The following UPB1 variants were observed in gnomAD, a reference collection of about 807,000 sequenced individuals.
UPB1 encodes beta-ureidopropionase 1.
A neutral mutation model predicts 49.1 loss-of-function variants in UPB1; 40 were observed. The ratio of observed to expected loss-of-function variants is 0.81; its 90% CI spans 0.63 to 1.06. UPB1 has a LOEUF of 1.06. Among genes scored for constraint, UPB1 ranks in the 50% least tolerant of loss-of-function variants. The probability of loss-of-function intolerance (pLI) is 0.00; values close to 1 mark genes in which losing one functional copy is unlikely to be tolerated. For missense variants in UPB1, 499 were observed against 505.9 expected, an observed-to-expected ratio of 0.99 and a Z score of 0.13; for synonymous variants, 207 against 198.2, an observed-to-expected ratio of 1.04 and a Z score of -0.38.
chr22:24,518,707 G>C (rs1056097392), intron 6 of UPB1, among the ~76,000 whole-genome samples: 1 of 152,194 alleles, frequency 6.6e-6, no homozygotes, highest in African/African-American at 2.4e-5. Context: ...GTACATAGTA[G>C]TGTCTGAATG....
chr22:24,506,813 GAACT>G (rs2044099828), intron 3 of UPB1, among the ~76,000 whole-genome samples: 1 of 152,120 alleles, frequency 6.6e-6, no homozygotes, highest in Admixed American at 6.5e-5. Context: ...CTGGATAGTT[GAACT>G]AACATCTCCC....
At chr22:24,510,668 G>T in intron 3 of UPB1, 81 bp from the exon 4 acceptor site, 1 of 1,444,286 alleles carries the variant, frequency 6.9e-7, no homozygotes, top group South Asian at 1.1e-5. Flanking sequence ...CTTTTGCAGT[G>T]ACTTCCCGCT....
chr22:24,522,979 G>T (rs2044422613), intron 8 of UPB1, among the ~76,000 whole-genome samples: 3 of 151,342 alleles, frequency 2.0e-5, no homozygotes, highest in Non-Finnish European at 2.9e-5. Context: ...GCCAGAAGGG[G>T]CTGAGCGAGT....
At chr22:24,521,313 C>G (rs2044387748) in intron 7 of UPB1, among the ~76,000 whole-genome samples, 1 of 151,696 alleles carries the variant, frequency 6.6e-6, no homozygotes, top group African/African-American at 2.4e-5. Context: ...GAAATCCTGT[C>G]TCTACTGAAA....
chr22:24,497,226 C>T (rs755015696), intron 1 of UPB1, among the ~76,000 whole-genome samples: 8 of 152,020 alleles, frequency 5.3e-5, no homozygotes, highest in Non-Finnish European at 1.2e-4. Flanking sequence ...AATGCATACA[C>T]GTAGGAAAAT....
At chr22:24,510,615 A>ACTT in intron 3 of UPB1, 134 bp from the exon 4 acceptor site, 3 of 925,756 alleles carry the variant, frequency 3.2e-6, no homozygotes, top group Non-Finnish European at 5.2e-6. Flanking sequence ...ACAGCCAGGA[A>ACTT]CAGGACCCAG....
intron 5 of UPB1, among the ~76,000 whole-genome samples, chr22:24,514,858 C>G (rs1346447854): frequency 4.6e-5 from 7 of 152,190 alleles, no homozygotes; most frequent in Admixed American, 4.6e-4. Flanking sequence ...CATTGACCAA[C>G]TCGTGTTAAT....
In UPB1 at chr22:24,523,085, A is replaced by T. The variant is rs1601517710; in HGVS notation, c.917-534A>T. Reference sequence around the variant, plus strand: ...TCCCTGATCCTAGTTAACTTACTGCAAATAGAGATGCAGAAAGGGCAGGGG... The same window carrying T: ...TCCCTGATCCTAGTTAACTTACTGCTAATAGAGATGCAGAAAGGGCAGGGG... On this transcript the variant is annotated intron_variant, in intron 8 of 9. Coordinates refer to ENST00000326010, the MANE Select transcript of UPB1 (RefSeq NM_016327.3). Among the ~76,000 whole-genome samples, 3 of 152,256 alleles carry T rather than the reference A, an allele frequency of 2.0e-5. No homozygotes were observed. The East Asian group carries it at 5.8e-4, about 29-fold the overall frequency.
intron 8 of UPB1, 75 bp from the exon 9 acceptor site, chr22:24,523,544 A>C: frequency 6.2e-7 from 1 of 1,605,584 alleles, no homozygotes; most frequent in Non-Finnish European, 8.5e-7. Flanking sequence ...GGCCTGCCTC[A>C]AGGTGCCTGA....
intron 6 of UPB1, chr22:24,518,170 A>C (rs2044329564): frequency 1.3e-5 from 2 of 152,128 alleles, no homozygotes; most frequent in African/African-American, 4.8e-5. Flanking sequence ...AAAAAAAAAC[A>C]GGGAAAGGCA....
At chr22:24,500,735 G>A (rs749827607) in intron 2 of UPB1, among the ~76,000 whole-genome samples, 10 of 152,226 alleles carry the variant, frequency 6.6e-5, no homozygotes, top group Non-Finnish European at 1.2e-4. Context: ...ACAGGATTAC[G>A]GGAATAGATA....
Position 24,510,790 on chromosome 22 carries a change from A to G in UPB1, c.406A>G (p.Thr136Ala). Residue 136 changes from threonine (T) to alanine (A), a missense_variant, in exon 4 of 10, where the codon ACA becomes GCA. By Grantham distance (58) the Thr-to-Ala change is moderately conservative. Transcript: ENST00000326010. ...CTGTACGAGAGAGAAGCTTCCTTGG[A>G]CAGAATTTGCTGAGTCAGCAGAGGA... ...AFCTREKLPWTEFAESAEDGP... is the reference protein window; with the variant it reads ...AFCTREKLPWAEFAESAEDGP... The G allele has an allele frequency of 6.2e-7, 1 of 1,614,170 alleles. No individual in the cohort carries two copies. The highest frequency in any genetic ancestry group is 8.5e-7 in the Non-Finnish European group (1 of 1,180,020).
In UPB1 at chr22:24,522,649, A is replaced by G. The variant is rs113100896; in HGVS notation, c.916+621A>G. Among the ~76,000 whole-genome samples the G allele has an allele frequency of 3.6e-3, 554 of 151,938 alleles. 7 individuals carry two copies. The highest frequency in any genetic ancestry group is 0.013 in the African/African-American group (534 of 41,452). On this transcript the variant is annotated intron_variant, in intron 8 of 9. Transcript: ENST00000326010. Reference sequence around the variant, plus strand: ...GAGTGTCCTCTAGAAAGCCAGGAGGAGGCCAGGCATGGTGTCTCATGCCTG... The same window carrying G: ...GAGTGTCCTCTAGAAAGCCAGGAGGGGGCCAGGCATGGTGTCTCATGCCTG...
chr22:24,520,514 CTCTGGTGGG>C, intron 7 of UPB1, 46 bp downstream of exon 7: 2 of 1,602,748 alleles, frequency 1.2e-6, no homozygotes, highest in Middle Eastern at 1.7e-4. Flanking sequence ...CACCTGGTGG[CTCTGGTGGG>C]GACACCCCGT....
intron 6 of UPB1, among the ~76,000 whole-genome samples, chr22:24,517,411 C>A (rs757621193): frequency 3.3e-5 from 5 of 152,336 alleles, no homozygotes; most frequent in African/African-American, 4.8e-5. Flanking sequence ...CCTAAAGCAG[C>A]CCCCTCTGCT....
chr22:24,511,414 A>G (rs940108315), intron 4 of UPB1, among the ~76,000 whole-genome samples: 13 of 152,034 alleles, frequency 8.6e-5, no homozygotes, highest in African/African-American at 1.7e-4. Context: ...TAATGGATAC[A>G]AAGTTTCCGT....
intron 3 of UPB1, among the ~76,000 whole-genome samples, chr22:24,505,279 C>T (rs2044070636): frequency 6.6e-6 from 1 of 152,130 alleles, no homozygotes; most frequent in Non-Finnish European, 1.5e-5. Flanking sequence ...AGTCCTTATT[C>T]CAAGTTGGAC....
At chr22:24,519,849 C>T in intron 6 of UPB1, 1 of 216,180 alleles carries the variant, frequency 4.6e-6, no homozygotes. Context: ...CTGTGCTCAG[C>T]CCTCACAGGC....
At chr22:24,505,257 T>G (rs2044070140) in intron 3 of UPB1, among the ~76,000 whole-genome samples, 1 of 152,202 alleles carries the variant, frequency 6.6e-6, no homozygotes, top group Admixed American at 6.5e-5. Flanking sequence ...TTGTTTTCTC[T>G]CTTATTCCAA....
Sources: gnomAD v4.1 joint callset for allele counts (sites outside exome capture counted in the v4.1 genomes callset) on GRCh38, gnomAD v4.1.1 for gene constraint, MANE v1.5 for transcripts, NCBI Gene and HGNC (gene_info 2026-07-23, HGNC 2026-07-21) for gene names.